The following SLC24A2 variants were observed in gnomAD, a reference collection of about 807,000 sequenced individuals.
The protein encoded by SLC24A2 is solute carrier family 24 member 2, also known as sodium/potassium/calcium exchanger 2.
Under a neutral mutation model 62.0 loss-of-function variants are expected in SLC24A2, and 36 were observed. The ratio of observed to expected loss-of-function variants is 0.58; its 90% CI spans 0.44 to 0.77. The LOEUF (loss-of-function observed/expected upper bound fraction) is 0.77. Ranked by LOEUF, SLC24A2 falls within the 30% of genes least tolerant of loss-of-function variation. The pLI is 0.00. For synonymous variants in SLC24A2, 358 were observed against 294.0 expected (o/e 1.22, Z -2.23); for missense variants, 846 against 817.9 (o/e 1.03, Z -0.42).
chr9:20,135,932 A>G, the SLC24A2 span, among the ~76,000 whole-genome samples: 4 of 152,144 alleles, frequency 2.6e-5, no homozygotes, highest in Admixed American at 6.5e-5. Context: ...ATTCAGCAGC[A>G]CGACTTAGCC....
At chr9:19,813,175 A>G in the SLC24A2 span, among the ~76,000 whole-genome samples, 1 of 152,066 alleles carries the variant, frequency 6.6e-6, no homozygotes, top group African/African-American at 2.4e-5. Flanking sequence ...CAAAATCTCT[A>G]CTGGTTTCCC....
rs911974940 is a variant in SLC24A2, at chr9:19,511,327, T to C, written c.*4826A>G. ...GCAGAGTCAGGGAGCTAACAGTAAATAGAAGGTGGAATAGGGCAGGGTTAC... is the reference window on the plus strand; with the variant it reads ...GCAGAGTCAGGGAGCTAACAGTAAACAGAAGGTGGAATAGGGCAGGGTTAC... On this transcript the variant is annotated 3_prime_UTR_variant, in exon 11 of 11. Coordinates refer to ENST00000341998, the MANE Select transcript of SLC24A2 (RefSeq NM_020344.4). The C allele has an allele frequency of 6.6e-6, 1 of 152,012 alleles. No homozygotes were observed. Among genetic ancestry groups the C allele is most frequent in the African/African-American group, 2.4e-5 (1 of 41,384 alleles). The allele number at this position is 152,012 out of a possible 1,614,324, so 9.4% of individuals were successfully genotyped here.
chr9:19,606,726 C>G lies in SLC24A2; in HGVS notation c.1079-9447G>C, dbSNP rs150708737. Among the ~76,000 whole-genome samples, 4 of 152,316 alleles carry G rather than the reference C, an allele frequency of 2.6e-5. No homozygotes were observed. The East Asian group carries it at 7.7e-4, about 29-fold the overall frequency. ...ATATAAGCAACAATGCTGATTGACT[C>G]TTTACAAATGTGTATGTGCACGTGT... is the stretch of plus-strand genomic sequence containing the variant. On this transcript the variant is annotated intron_variant, in intron 4 of 10. Coordinates refer to ENST00000341998, the MANE Select transcript of SLC24A2 (RefSeq NM_020344.4).
intron 5 of SLC24A2, among the ~76,000 whole-genome samples, chr9:19,577,766 A>G (rs1226419663): frequency 6.6e-6 from 1 of 151,586 alleles, no homozygotes; most frequent in African/African-American, 2.4e-5. Flanking sequence ...CACAGTTGCA[A>G]AGTGGTGGAA....
intron 7 of SLC24A2, among the ~76,000 whole-genome samples, chr9:19,552,812 C>A (rs999995406): frequency 6.6e-6 from 1 of 152,230 alleles, no homozygotes; most frequent in Non-Finnish European, 1.5e-5. Flanking sequence ...CTGCCAAAGT[C>A]ACCAGGCAGG....
At chr9:20,136,018 T>A in the SLC24A2 span, among the ~76,000 whole-genome samples, 1 of 152,082 alleles carries the variant, frequency 6.6e-6, no homozygotes, top group Admixed American at 6.6e-5. Context: ...TGGCTGGGCA[T>A]TGGGAGTGAA....
At chr9:20,048,140 A>C in the SLC24A2 span, among the ~76,000 whole-genome samples, 1 of 152,212 alleles carries the variant, frequency 6.6e-6, no homozygotes, top group Non-Finnish European at 1.5e-5. Context: ...GAACAATGCT[A>C]AGTGTTTTAA....
intron 9 of SLC24A2, among the ~76,000 whole-genome samples, chr9:19,521,466 C>G (rs1214802822): frequency 6.6e-6 from 1 of 152,220 alleles, no homozygotes; most frequent in East Asian, 1.9e-4. Context: ...ACTACCAAAA[C>G]CAAGGACTGA....
At chr9:20,070,327 A>G in the SLC24A2 span, among the ~76,000 whole-genome samples, 1 of 152,214 alleles carries the variant, frequency 6.6e-6, no homozygotes, top group African/African-American at 2.4e-5. Flanking sequence ...GTCTTCTGAG[A>G]TGCACTAAGA....
chr9:20,159,482 T>G, the SLC24A2 span, among the ~76,000 whole-genome samples: 2 of 151,704 alleles, frequency 1.3e-5, no homozygotes, highest in African/African-American at 4.8e-5. Flanking sequence ...AATATATAAG[T>G]AGAAATTTAT....
chr9:19,906,594 G>A, the SLC24A2 span, among the ~76,000 whole-genome samples: 1 of 151,998 alleles, frequency 6.6e-6, no homozygotes, highest in African/African-American at 2.4e-5. Flanking sequence ...CACTAATAAA[G>A]AAGAAAAGAG....
chr9:19,512,101 T>G lies in SLC24A2; in HGVS notation c.*4052A>C, dbSNP rs1339233655. 1 of 152,280 alleles carries G rather than the reference T, an allele frequency of 6.6e-6. No individual in the cohort carries two copies. The highest frequency in any genetic ancestry group is 1.5e-5 in the Non-Finnish European group (1 of 68,092). The allele number at this position is 152,280 out of a possible 1,614,324, so 9.4% of individuals were successfully genotyped here. A position where few individuals can be genotyped will look rare whatever the true frequency, so the allele number is the denominator to read the frequency against. Reference sequence around the variant, plus strand: ...TCTGGGGGTGGGCTCCCTTTGTAGCTCATCTCTTCTCTCACTGTTCCAGAG... The same window carrying G: ...TCTGGGGGTGGGCTCCCTTTGTAGCGCATCTCTTCTCTCACTGTTCCAGAG... On this transcript the variant is annotated 3_prime_UTR_variant, in exon 11 of 11. Coordinates refer to ENST00000341998, the MANE Select transcript of SLC24A2 (RefSeq NM_020344.4).
In SLC24A2 at chr9:19,786,541, G is replaced by C. The variant is rs761633257; in HGVS notation, c.326C>G (p.Ser109Cys). The part of the protein sequence containing the change: ...PQPPLSKEGE[S>C]ENSTDHAQGD... ...TTGGGCGTGATCTGTACTATTCTCA[G>C]ACTCGCCTTCCTTAGAAAGAGGTGG... The change falls in exon 2 of 11, where the codon TCT (serine) becomes TGT (cysteine). Residue 109 changes from serine (S) to cysteine (C), a missense_variant. Coordinates refer to ENST00000341998, the MANE Select transcript of SLC24A2 (RefSeq NM_020344.4). The surrounding 1 kb of genome is among the most constrained non-coding windows in gnomAD (Gnocchi z 5.0). The C allele has an allele frequency of 2.5e-6, 4 of 1,614,076 alleles. No homozygotes were observed. The highest frequency in any genetic ancestry group is 1.7e-5 in the Admixed American group (1 of 60,004).
chr9:19,718,284 C>CTTTTT lies in SLC24A2; in HGVS notation c.930+67648_930+67652dup, dbSNP rs71335446. 7.7e-4 allele frequency among the ~76,000 whole-genome samples: 43 copies of CTTTTT among 55,734 alleles called. 10 individuals are homozygous for CTTTTT. Among genetic ancestry groups the CTTTTT allele is most frequent in the African/African-American group, 3.1e-3 (37 of 11,820 alleles). The allele number at this position is 55,734 out of a possible 152,430, so 36.6% of individuals were successfully genotyped here. A position where few individuals can be genotyped will look rare whatever the true frequency, so the allele number is the denominator to read the frequency against. ...GCTACCATGCCTGGCTGATTTAACACTTTTTTTTTTTTTTTTTTTTTTTTT... is the reference window on the plus strand; with the variant it reads ...GCTACCATGCCTGGCTGATTTAACACTTTTTTTTTTTTTTTTTTTTTTTTTTTTTT... On this transcript the variant is annotated intron_variant, in intron 2 of 10. Transcript: ENST00000341998.
the SLC24A2 span, among the ~76,000 whole-genome samples, chr9:19,998,419 A>C: frequency 2.1e-3 from 317 of 152,244 alleles, 3 homozygotes; most frequent in Admixed American, 0.018. Flanking sequence ...GAGCCTTGTG[A>C]GACATTTTAA....
At chr9:19,892,762 A>G in the SLC24A2 span, among the ~76,000 whole-genome samples, 1 of 152,088 alleles carries the variant, frequency 6.6e-6, no homozygotes, top group South Asian at 2.1e-4. Flanking sequence ...GGAGGAACTG[A>G]AGCTTGGCGA....
chr9:19,874,233 C>G, the SLC24A2 span, among the ~76,000 whole-genome samples: 11 of 152,006 alleles, frequency 7.2e-5, no homozygotes, highest in East Asian at 2.1e-3. Context: ...GCGTCAGCCA[C>G]CACACCCAGC....
intron 2 of SLC24A2, among the ~76,000 whole-genome samples, chr9:19,625,929 C>T (rs1274129021): frequency 1.3e-5 from 2 of 151,994 alleles, no homozygotes; most frequent in African/African-American, 4.8e-5. Context: ...TCAGGTTATC[C>T]ACCCACCTCA....
At chr9:19,866,924 G>C in the SLC24A2 span, among the ~76,000 whole-genome samples, 2 of 152,030 alleles carry the variant, frequency 1.3e-5, no homozygotes, top group Non-Finnish European at 2.9e-5. Context: ...AAGGGTACTG[G>C]GGGGGTTGGA....
Sources: gnomAD v4.1 joint callset for allele counts (sites outside exome capture counted in the v4.1 genomes callset) on GRCh38, gnomAD v4.1.1 for gene constraint, Gnocchi (gnomAD v3.1) non-coding constraint, MANE v1.5 for transcripts, NCBI Gene and HGNC (gene_info 2026-07-23, HGNC 2026-07-21) for gene names.